Variants in OCA2 observed in about 807,000 individuals in gnomAD.
OCA2 encodes OCA2 melanosomal transmembrane protein.
A neutral mutation model predicts 100.2 loss-of-function variants in OCA2; 77 were observed. That is an observed-to-expected ratio of 0.77 (90% CI 0.64 to 0.93). The LOEUF is 0.93. Among genes scored for constraint, OCA2 ranks in the 40% least tolerant of loss-of-function variants. The pLI is 0.00. For missense variants in OCA2, 1,062 were observed against 1,089.1 expected, an observed-to-expected ratio of 0.98 and a Z score of 0.35; for synonymous variants, 432 against 439.2, an observed-to-expected ratio of 0.98 and a Z score of 0.21.
intron 16 of OCA2, among the ~76,000 whole-genome samples, chr15:27,955,416 T>C (rs2040190075): frequency 1.3e-5 from 2 of 152,122 alleles, no homozygotes; most frequent in Admixed American, 6.5e-5. Flanking sequence ...AAAAAATACA[T>C]ATAATGACCT....
At chr15:27,735,569 A>G in the OCA2 span, among the ~76,000 whole-genome samples, 34 of 152,308 alleles carry the variant, frequency 2.2e-4, no homozygotes, top group African/African-American at 8.2e-4. Flanking sequence ...TATTATAATC[A>G]AACTGTCAAA....
chr15:27,820,151 T>A (rs906636432), intron 23 of OCA2, among the ~76,000 whole-genome samples: 2 of 152,120 alleles, frequency 1.3e-5, no homozygotes, highest in Non-Finnish European at 2.9e-5. Context: ...AATGACTGAA[T>A]AAGTAAATGA....
chr15:27,901,765 A>G (rs1221949283), intron 19 of OCA2, among the ~76,000 whole-genome samples: 1 of 152,238 alleles, frequency 6.6e-6, no homozygotes, highest in Non-Finnish European at 1.5e-5. Flanking sequence ...AAATGATGAT[A>G]CAGAAATACA....
chr15:27,876,472 T>G (rs2036796778), intron 19 of OCA2, among the ~76,000 whole-genome samples: 1 of 152,050 alleles, frequency 6.6e-6, no homozygotes, highest in Non-Finnish European at 1.5e-5. Context: ...AGTGGGGAAC[T>G]GTCCTCCACC....
intron 23 of OCA2, among the ~76,000 whole-genome samples, chr15:27,769,143 AT>A (rs1316927496): frequency 3.3e-5 from 5 of 152,186 alleles, no homozygotes; most frequent in South Asian, 2.1e-4. Flanking sequence ...GGAAAAGGGC[AT>A]TTGTTCAACA....
At chr15:28,068,984 C>T (rs2044109493) in intron 2 of OCA2, among the ~76,000 whole-genome samples, 1 of 152,176 alleles carries the variant, frequency 6.6e-6, no homozygotes. Context: ...CAGCCAGCAT[C>T]ATACTGAATG....
the OCA2 span, among the ~76,000 whole-genome samples, chr15:27,747,438 C>T: frequency 6.6e-6 from 1 of 152,160 alleles, no homozygotes; most frequent in Non-Finnish European, 1.5e-5. Context: ...GCATGTTCAG[C>T]CAACAGTTTC....
intron 13 of OCA2, among the ~76,000 whole-genome samples, 189 bp from the exon 14 acceptor site, chr15:27,983,672 G>A (rs554557594): frequency 2.0e-5 from 3 of 152,102 alleles, no homozygotes; most frequent in South Asian, 4.2e-4. Context: ...AGCTCACTCC[G>A]AGAGTTACAT....
intron 1 of OCA2, among the ~76,000 whole-genome samples, chr15:28,082,471 C>A (rs985018931): frequency 6.6e-6 from 1 of 152,286 alleles, no homozygotes; most frequent in Middle Eastern, 3.4e-3. Context: ...CCAGAAGGAA[C>A]CAACTCCGGA....
chr15:28,044,991 G>A (rs1254077336), intron 2 of OCA2, among the ~76,000 whole-genome samples: 3 of 151,964 alleles, frequency 2.0e-5, no homozygotes, highest in African/African-American at 7.3e-5. Flanking sequence ...TTCCCAATAT[G>A]ACAATGTCTA....
At chr15:27,854,184 C>A (rs1481060762) in intron 21 of OCA2, among the ~76,000 whole-genome samples, 2 of 152,204 alleles carry the variant, frequency 1.3e-5, no homozygotes, top group East Asian at 3.9e-4. Context: ...TTCTGCATGC[C>A]CCTCTGGAGG....
intron 11 of OCA2, among the ~76,000 whole-genome samples, chr15:27,988,076 C>T (rs916818769): frequency 6.6e-6 from 1 of 152,048 alleles, no homozygotes; most frequent in Non-Finnish European, 1.5e-5. Context: ...AGGAGACAGG[C>T]GTGTGGAGAC....
At chr15:27,931,408 C>T (rs2039245117) in intron 18 of OCA2, among the ~76,000 whole-genome samples, 1 of 152,100 alleles carries the variant, frequency 6.6e-6, no homozygotes, top group African/African-American at 2.4e-5. Context: ...AATCTTGGCT[C>T]ACTGCAACCT....
chr15:27,824,602 C>CTCTCTCTCTCTCTCTCTCTCTCTCTCTA, intron 23 of OCA2, among the ~76,000 whole-genome samples: 19 of 47,592 alleles, frequency 4.0e-4, no homozygotes, highest in South Asian at 1.5e-3. Flanking sequence ...CTCTCTCTCT[C>CTCTCTCTCTCTCTCTCTCTCTCTCTCTA]TATATATATA....
chr15:27,802,260 A>T, intron 23 of OCA2, among the ~76,000 whole-genome samples: 1 of 152,234 alleles, frequency 6.6e-6, no homozygotes, highest in East Asian at 1.9e-4. Flanking sequence ...AAAGACTTGT[A>T]CACTGAAAAC....
At chr15:27,908,232 T>C (rs963895874) in intron 19 of OCA2, among the ~76,000 whole-genome samples, 2 of 152,102 alleles carry the variant, frequency 1.3e-5, no homozygotes, top group Non-Finnish European at 2.9e-5. Flanking sequence ...TATTAGGAAA[T>C]TCATTAGTAC....
intron 23 of OCA2, among the ~76,000 whole-genome samples, chr15:27,773,747 GA>G (rs2032026992): frequency 6.6e-6 from 1 of 152,324 alleles, no homozygotes; most frequent in South Asian, 2.1e-4. Context: ...GTAGACATGT[GA>G]AACTTGGCTG....
rs374808446 is a variant in OCA2, at chr15:27,892,124, C to T, written c.2080-20202G>A. 2.6e-5 allele frequency among the ~76,000 whole-genome samples: 4 copies of T among 152,092 alleles called. No homozygotes were observed. The South Asian group carries it at 8.3e-4, about 31-fold the overall frequency. On this transcript the variant is annotated intron_variant, in intron 19 of 23. Coordinates refer to ENST00000354638, the MANE Select transcript of OCA2 (RefSeq NM_000275.3). ...ACAAATTCATGTTTATAATTGGGAA[C>T]ATAAATAACTCACCCTCAGAAACTA... is the stretch of plus-strand genomic sequence containing the variant.
At chr15:27,954,158 CA>C (rs879880904) in intron 17 of OCA2, among the ~76,000 whole-genome samples, 2,742 of 40,424 alleles carry the variant, frequency 0.068, 55 homozygotes, top group Admixed American at 0.15. Flanking sequence ...CACACACACA[CA>C]CCTAGGGTCA....
Sources: allele counts gnomAD v4.1 joint callset (sites outside exome capture counted in the v4.1 genomes callset), GRCh38; gene constraint gnomAD v4.1.1; transcripts MANE v1.5; gene names NCBI Gene and HGNC (gene_info 2026-07-23, HGNC 2026-07-21).